The following GALNT7 variants were observed in gnomAD, a reference collection of about 807,000 sequenced individuals.
GALNT7 encodes the protein polypeptide N-acetylgalactosaminyltransferase 7, also known as N-acetylgalactosaminyltransferase 7.
GALNT7 carries 60 observed loss-of-function variants against 82.1 expected under a neutral mutation model. The ratio of observed to expected loss-of-function variants is 0.73; its 90% CI spans 0.59 to 0.91. The LOEUF is 0.91. Ranked by LOEUF, GALNT7 falls within the 40% of genes least tolerant of loss-of-function variation. The pLI, the probability that GALNT7 is intolerant of heterozygous loss-of-function variation, is 0.00. For missense variants in GALNT7, 660 were observed against 804.2 expected, an observed-to-expected ratio of 0.82 and a Z score of 2.17; for synonymous variants, 243 against 275.1, an observed-to-expected ratio of 0.88 and a Z score of 1.15.
intron 1 of GALNT7, among the ~76,000 whole-genome samples, chr4:173,228,663 C>G (rs1365869560): frequency 6.6e-6 from 1 of 152,052 alleles, no homozygotes; most frequent in African/African-American, 2.4e-5. Context: ...GATTTTGATA[C>G]TCACAGCCAG....
intron 9 of GALNT7, 150 bp from the exon 10 acceptor site, chr4:173,317,484 G>C: frequency 1.7e-6 from 1 of 591,374 alleles, no homozygotes; most frequent in Non-Finnish European, 3.0e-6. Flanking sequence ...ACTATGTAAA[G>C]ATTGACAATC....
rs1455663769 is a variant in GALNT7, at chr4:173,302,331, A to G, written c.1266+167A>G. The stretch of plus-strand genomic sequence containing the variant: ...AAATGGATGCCTTTGAGGAAAAAAT[A>G]AGGCAAAATGCAAGCTCCAAACTTA... On this transcript the variant is annotated intron_variant, in intron 7 of 11. Coordinates refer to ENST00000265000, the MANE Select transcript of GALNT7 (RefSeq NM_017423.3). This position sits in a 1 kb window ranked among gnomAD's most constrained non-coding sequence, Gnocchi z 4.2. Among the ~76,000 whole-genome samples, 1 of 152,224 alleles carries G rather than the reference A, an allele frequency of 6.6e-6. No homozygotes were observed. The highest frequency in any genetic ancestry group is 2.4e-5 in the African/African-American group (1 of 41,452).
intron 1 of GALNT7, among the ~76,000 whole-genome samples, chr4:173,200,256 G>C (rs1291365516): frequency 6.6e-6 from 1 of 152,176 alleles, no homozygotes; most frequent in East Asian, 1.9e-4. Flanking sequence ...TTTATGCCAA[G>C]AGAATGAAAA....
intron 1 of GALNT7, among the ~76,000 whole-genome samples, chr4:173,206,576 C>G (rs1561153925): frequency 6.6e-6 from 1 of 152,200 alleles, no homozygotes; most frequent in Non-Finnish European, 1.5e-5. Flanking sequence ...AAACTTCAGT[C>G]TTTGTGAATT....
intron 1 of GALNT7, among the ~76,000 whole-genome samples, chr4:173,227,138 A>G (rs1733858763): frequency 6.6e-6 from 1 of 152,172 alleles, no homozygotes; most frequent in Non-Finnish European, 1.5e-5. Flanking sequence ...CCAATTTACC[A>G]TGTATATCTA....
chr4:173,265,955 G>A (rs915287761), intron 2 of GALNT7, among the ~76,000 whole-genome samples: 1 of 151,956 alleles, frequency 6.6e-6, no homozygotes, highest in Non-Finnish European at 1.5e-5. Flanking sequence ...TATATTAAAT[G>A]TGTCATAGAA....
intron 1 of GALNT7, among the ~76,000 whole-genome samples, chr4:173,181,963 A>G (rs1732262902): frequency 6.6e-6 from 1 of 152,244 alleles, no homozygotes; most frequent in Non-Finnish European, 1.5e-5. Context: ...AATCACAGCC[A>G]GAGAGTCTAA....
chr4:173,183,679 C>A lies in GALNT7; in HGVS notation c.126+14718C>A, dbSNP rs568812681. Among the ~76,000 whole-genome samples, 325 of 152,224 alleles carry A rather than the reference C, an allele frequency of 2.1e-3. 1 individual carries two copies. The highest frequency in any genetic ancestry group is 3.7e-3 in the Admixed American group (57 of 15,302). On this transcript the variant is annotated intron_variant, in intron 1 of 11. Coordinates refer to ENST00000265000, the MANE Select transcript of GALNT7 (RefSeq NM_017423.3). ...TGAGCTGTTGGGTACACCTCCCAGA[C>A]GGGGCGGCCGGGCAGAAGCGCCCCC...
At chr4:173,290,969 C>T (rs1247662018) in intron 2 of GALNT7, among the ~76,000 whole-genome samples, 2 of 152,182 alleles carry the variant, frequency 1.3e-5, no homozygotes, top group African/African-American at 4.8e-5. Flanking sequence ...ACCTTCACCC[C>T]ACCCTTTTCC....
intron 6 of GALNT7, among the ~76,000 whole-genome samples, chr4:173,301,731 A>G (rs752583452): frequency 4.6e-5 from 7 of 152,208 alleles, no homozygotes; most frequent in Non-Finnish European, 8.8e-5. Flanking sequence ...GAAAGAGAAA[A>G]TTCTATTTTA....
At chr4:173,303,940 G>T in intron 7 of GALNT7, 56 bp from the exon 8 acceptor site, 1 of 1,471,624 alleles carries the variant, frequency 6.8e-7, no homozygotes, top group Non-Finnish European at 9.3e-7. Flanking sequence ...TAAATTTTCA[G>T]TTATGGTTTA....
At chr4:173,321,395 T>TATCC (rs1184779948) in intron 11 of GALNT7, among the ~76,000 whole-genome samples, 185 bp from the exon 12 acceptor site, 1 of 152,094 alleles carries the variant, frequency 6.6e-6, no homozygotes, top group East Asian at 1.9e-4. Flanking sequence ...TCTTAGGACT[T>TATCC]AGAAAACTGA....
At chr4:173,171,682 A>G (rs1034656646) in intron 1 of GALNT7, among the ~76,000 whole-genome samples, 1 of 152,262 alleles carries the variant, frequency 6.6e-6, no homozygotes, top group African/African-American at 2.4e-5. Flanking sequence ...AATGATGTGA[A>G]AAATGACCTT....
intron 2 of GALNT7, among the ~76,000 whole-genome samples, chr4:173,279,255 C>T (rs988313993): frequency 2.0e-5 from 3 of 152,152 alleles, no homozygotes; most frequent in Non-Finnish European, 2.9e-5. Context: ...GAGCAGGTCT[C>T]ACATGGTGAG....
intron 1 of GALNT7, among the ~76,000 whole-genome samples, chr4:173,212,496 T>G (rs1733312403): frequency 6.6e-6 from 1 of 152,168 alleles, no homozygotes; most frequent in Non-Finnish European, 1.5e-5. Flanking sequence ...CAGTTTAGAT[T>G]ATCTAGACTA....
intron 1 of GALNT7, among the ~76,000 whole-genome samples, chr4:173,218,185 G>A (rs531910474): frequency 1.3e-5 from 2 of 152,180 alleles, no homozygotes; most frequent in South Asian, 4.2e-4. Flanking sequence ...TCTAATCTTA[G>A]CATAGACATT....
intron 1 of GALNT7, among the ~76,000 whole-genome samples, chr4:173,182,512 G>A (rs893078085): frequency 2.0e-5 from 3 of 152,176 alleles, no homozygotes; most frequent in African/African-American, 7.2e-5. Context: ...TTGGGTTCCA[G>A]TGGGTGCTAA....
At chr4:173,284,639 T>C (rs1322657306) in intron 2 of GALNT7, among the ~76,000 whole-genome samples, 1 of 152,032 alleles carries the variant, frequency 6.6e-6, no homozygotes, top group East Asian at 1.9e-4. Flanking sequence ...TGAAATATGT[T>C]AGAGGCTTAA....
In GALNT7 at chr4:173,233,184, G is replaced by T. The variant is rs184725736; in HGVS notation, c.127-14796G>T. On this transcript the variant is annotated intron_variant, in intron 1 of 11. Coordinates refer to ENST00000265000, the MANE Select transcript of GALNT7 (RefSeq NM_017423.3). ...CTGTATCTTGGCTATTGTGAATAGTGCTTCAGTCAACATGACAGTGCAGGT... is the reference window on the plus strand; with the variant it reads ...CTGTATCTTGGCTATTGTGAATAGTTCTTCAGTCAACATGACAGTGCAGGT... Among the ~76,000 whole-genome samples the T allele has an allele frequency of 1.8e-3, 275 of 152,298 alleles. 1 individual carries two copies. The highest frequency in any genetic ancestry group is 6.1e-3 in the African/African-American group (254 of 41,564).
Sources: gnomAD v4.1 joint callset for allele counts (sites outside exome capture counted in the v4.1 genomes callset) on GRCh38, gnomAD v4.1.1 for gene constraint, Gnocchi (gnomAD v3.1) non-coding constraint, MANE v1.5 for transcripts, NCBI Gene and HGNC (gene_info 2026-07-23, HGNC 2026-07-21) for gene names.